ACSM3: variants seen among roughly 807,000 people sequenced by gnomAD.
ACSM3 encodes the protein acyl-CoA synthetase medium chain family member 3, also known as acyl-coenzyme A synthetase ACSM3, mitochondrial.
A neutral mutation model predicts 74.1 loss-of-function variants in ACSM3; 61 were observed. That is an observed-to-expected ratio of 0.82 (90% CI 0.67 to 1.02). ACSM3 has a LOEUF of 1.02. Ranked by LOEUF, ACSM3 falls within the 50% of genes least tolerant of loss-of-function variation. The pLI, the probability that ACSM3 is intolerant of heterozygous loss-of-function variation, is 0.00. For synonymous variants in ACSM3, 213 were observed against 241.5 expected (o/e 0.88, Z 1.09); for missense variants, 660 against 697.0 (o/e 0.95, Z 0.60).
intron 1 of ACSM3, chr16:20,704,049 T>C (rs565430154): frequency 6.6e-5 from 10 of 152,258 alleles, no homozygotes; most frequent in Admixed American, 4.6e-4. Flanking sequence ...AAGAAATGAC[T>C]ACTTCTTAAG....
chr16:20,685,821 A>AAAAG (rs2079539583), intron 1 of ACSM3, among the ~76,000 whole-genome samples: 2 of 114,896 alleles, frequency 1.7e-5, no homozygotes, highest in South Asian at 3.0e-4. Flanking sequence ...CTCCGTCTCA[A>AAAAG]AAAAAAAAAA....
chr16:20,762,442 G>A (rs11645969), upstream of ACSM3, among the ~76,000 whole-genome samples: 20,194 of 152,124 alleles, frequency 0.13, 1,396 homozygotes, highest in East Asian at 0.21. Context: ...TCAGGGACCT[G>A]TGAAACTATC....
At chr16:20,731,850 G>A (rs1338692484) in intron 1 of ACSM3, 2 of 230,112 alleles carry the variant, frequency 8.7e-6, no homozygotes, top group Non-Finnish European at 1.6e-5. Context: ...ATAGGTAGAG[G>A]GCACCTTTGT....
At chr16:20,746,651 T>C (rs1009705589) in intron 1 of ACSM3, among the ~76,000 whole-genome samples, 27 of 152,222 alleles carry the variant, frequency 1.8e-4, no homozygotes, top group African/African-American at 6.3e-4. Flanking sequence ...ACCCAGACGC[T>C]GTGTGAGAAA....
chr16:20,789,490 A>G (rs1204067535), intron 9 of ACSM3: 2 of 1,612,562 alleles, frequency 1.2e-6, no homozygotes, highest in East Asian at 2.2e-5. Context: ...ATTGTCAACC[A>G]GAGAATATTC....
At chr16:20,724,499 T>A (rs1441074649) in intron 1 of ACSM3, among the ~76,000 whole-genome samples, 1 of 152,216 alleles carries the variant, frequency 6.6e-6, no homozygotes, top group Non-Finnish European at 1.5e-5. Context: ...TTACCACTCC[T>A]ATTCAACATA....
At chr16:20,765,854 C>T (rs750619737) in intron 1 of ACSM3, among the ~76,000 whole-genome samples, 8 of 152,146 alleles carry the variant, frequency 5.3e-5, no homozygotes, top group South Asian at 2.1e-4. Context: ...AAAAATGTTA[C>T]GTCCCTAGAG....
rs370150178 is a variant in ACSM3 at position 20,796,381 on chromosome 16, T to C, written c.1566T>C (p.Ala522=). ...AATATTTATTTTAGGTAGTAAAGGC[T>C]TTTGTCGTTCTAAATCCTGATTACA... The part of the protein sequence containing the change: ...PDPIRGEVVK[A]FVVLNPDYKS... The change falls in exon 13 of 14, where the codon GCT becomes GCC. Residue 522 remains alanine (A), a synonymous_variant. Transcript: ENST00000289416. 1.2e-6 allele frequency: 2 copies of C among 1,611,058 alleles called. No individual in the cohort carries two copies. Among genetic ancestry groups the C allele is most frequent in the African/African-American group, 2.7e-5 (2 of 74,694 alleles).
intron 13 of ACSM3, 170 bp downstream of exon 13, chr16:20,796,659 G>A: frequency 6.8e-7 from 1 of 1,480,142 alleles, no homozygotes; most frequent in Non-Finnish European, 8.9e-7. Flanking sequence ...ATGAAACCCT[G>A]AACCTATTTT....
chr16:20,792,171 A>G, intron 11 of ACSM3, 42 bp downstream of exon 11: 1 of 1,613,988 alleles, frequency 6.2e-7, no homozygotes, highest in Non-Finnish European at 8.5e-7. Flanking sequence ...GTGTTAACTG[A>G]TCATCAGTGT....
intron 1 of ACSM3, chr16:20,679,754 C>G (rs1024345859): frequency 6.6e-6 from 1 of 152,164 alleles, no homozygotes; most frequent in Non-Finnish European, 1.5e-5. Context: ...AACCAGACCA[C>G]CTATTCGGTC....
At chr16:20,738,175 T>C in intron 1 of ACSM3, 1 of 590,852 alleles carries the variant, frequency 1.7e-6, no homozygotes, top group Non-Finnish European at 3.1e-6. Flanking sequence ...TCATTATTAC[T>C]GCTTGCACTA....
At chr16:20,708,944 T>C (rs1217856196) in intron 1 of ACSM3, among the ~76,000 whole-genome samples, 2 of 152,204 alleles carry the variant, frequency 1.3e-5, no homozygotes, top group Non-Finnish European at 2.9e-5. Flanking sequence ...ATCAATGCAA[T>C]AGAATAGAGC....
In ACSM3 at chr16:20,770,006, C is replaced by A. The variant is rs1270229414; in HGVS notation, c.-29C>A. 6.2e-7 allele frequency: 1 copy of A among 1,608,428 alleles called. No individual in the cohort carries two copies. Among genetic ancestry groups the A allele is most frequent in the Non-Finnish European group, 8.5e-7 (1 of 1,174,954 alleles). Reference sequence around the variant, plus strand: ...TAGATGAACTGGTCTCTGTGCAAATCCTGAGTGCTAAAGCTTCCAACAAGA... The same window carrying A: ...TAGATGAACTGGTCTCTGTGCAAATACTGAGTGCTAAAGCTTCCAACAAGA... On this transcript the variant is annotated 5_prime_UTR_variant, in exon 2 of 14. Coordinates refer to ENST00000289416, the MANE Select transcript of ACSM3 (RefSeq NM_005622.4).
chr16:20,778,296 A>C (rs2080280689), intron 4 of ACSM3, among the ~76,000 whole-genome samples: 1 of 152,204 alleles, frequency 6.6e-6, no homozygotes, highest in South Asian at 2.1e-4. Context: ...TATGCCTTAG[A>C]ATTGGGCTGG....
chr16:20,726,355 T>A (rs1466431602), intron 1 of ACSM3, among the ~76,000 whole-genome samples: 2 of 152,188 alleles, frequency 1.3e-5, no homozygotes, highest in Non-Finnish European at 2.9e-5. Flanking sequence ...ATTTAAGAAG[T>A]GCAGGCTTGT....
At chr16:20,755,953 G>C (rs879883361) in intron 3 of ACSM3, among the ~76,000 whole-genome samples, 138 of 152,106 alleles carry the variant, frequency 9.1e-4, no homozygotes, top group Non-Finnish European at 1.7e-3. Context: ...TCCCTACAAA[G>C]GACATGAACT....
chr16:20,797,380 A>C lies in ACSM3; in HGVS notation c.*408A>C, dbSNP rs1288675852. 3.0e-6 allele frequency: 3 copies of C among 985,648 alleles called. No individual in the cohort carries two copies. Among genetic ancestry groups the C allele is most frequent in the South Asian group, 9.5e-5 (2 of 21,160 alleles). The allele number at this position is 985,648 out of a possible 1,614,324, so 61.1% of individuals were successfully genotyped here. On this transcript the variant is annotated 3_prime_UTR_variant, in exon 14 of 14. Transcript: ENST00000289416. ...AGAACTTATAAAAGTTTTTAGAAAA[A>C]TATAAAATATCAGTTAGAAGATTAT...
chr16:20,708,714 G>A (rs980029205), intron 1 of ACSM3, among the ~76,000 whole-genome samples: 3 of 152,154 alleles, frequency 2.0e-5, no homozygotes, highest in African/African-American at 4.8e-5. Flanking sequence ...TGGACTCGAT[G>A]TAATCCTTGT....
Sources: allele counts gnomAD v4.1 joint callset (sites outside exome capture counted in the v4.1 genomes callset), GRCh38; gene constraint gnomAD v4.1.1; transcripts MANE v1.5; gene names NCBI Gene and HGNC (gene_info 2026-07-23, HGNC 2026-07-21).